The following MACROD2 variants were observed in gnomAD, a reference collection of about 807,000 sequenced individuals.
MACROD2 encodes the protein mono-ADP ribosylhydrolase 2.
MACROD2 carries 36 observed loss-of-function variants against 70.4 expected under a neutral mutation model. The observed-to-expected ratio is 0.51, with a 90% CI of 0.39 to 0.68. The LOEUF (loss-of-function observed/expected upper bound fraction) is 0.68. Ranked by LOEUF, MACROD2 falls within the 30% of genes least tolerant of loss-of-function variation. The pLI is 0.00. For missense variants in MACROD2, 496 were observed against 538.4 expected (o/e 0.92, Z 0.78); for synonymous variants, 172 against 178.8 (o/e 0.96, Z 0.30).
At chr20:14,186,676 C>G (rs927376086) in intron 3 of MACROD2, among the ~76,000 whole-genome samples, 1 of 152,054 alleles carries the variant, frequency 6.6e-6, no homozygotes, top group Non-Finnish European at 1.5e-5. Flanking sequence ...ATTACAATAG[C>G]AAAGACATGG....
chr20:14,252,407 T>C (rs1393759721), intron 3 of MACROD2, among the ~76,000 whole-genome samples: 5 of 152,082 alleles, frequency 3.3e-5, no homozygotes. Flanking sequence ...GCTATTCTTT[T>C]ATTCTTTCAC....
intron 8 of MACROD2, among the ~76,000 whole-genome samples, chr20:15,680,946 C>T (rs1250162566): frequency 2.6e-5 from 4 of 152,202 alleles, no homozygotes; most frequent in Non-Finnish European, 5.9e-5. Flanking sequence ...TCACATGATA[C>T]TCCCCAGTGT....
intron 8 of MACROD2, among the ~76,000 whole-genome samples, chr20:15,820,043 AT>A (rs200542743): frequency 1.8e-4 from 27 of 150,664 alleles, no homozygotes; most frequent in Admixed American, 5.3e-4. Flanking sequence ...TACACAATAG[AT>A]TTTTTTTTTA....
intron 8 of MACROD2, among the ~76,000 whole-genome samples, chr20:15,739,985 C>A (rs181013764): frequency 2.6e-5 from 4 of 152,306 alleles, no homozygotes; most frequent in Non-Finnish European, 5.9e-5. Flanking sequence ...ATATGCAAAC[C>A]ACTGTAAACA....
intron 7 of MACROD2, among the ~76,000 whole-genome samples, chr20:15,449,306 C>A (rs893571963): frequency 1.3e-5 from 2 of 152,144 alleles, no homozygotes; most frequent in Non-Finnish European, 2.9e-5. Flanking sequence ...ACAGCAGCAA[C>A]AACAACATGT....
intron 5 of MACROD2, among the ~76,000 whole-genome samples, chr20:14,903,922 A>C (rs926274766): frequency 1.3e-5 from 2 of 152,138 alleles, no homozygotes; most frequent in African/African-American, 4.8e-5. Context: ...ATTTTTCTTC[A>C]CATTCTCTCG....
intron 8 of MACROD2, among the ~76,000 whole-genome samples, chr20:15,582,676 G>C (rs1394625557): frequency 6.6e-6 from 1 of 152,120 alleles, no homozygotes; most frequent in African/African-American, 2.4e-5. Context: ...GAATCCACTG[G>C]CATTCTGTTC....
chr20:15,674,670 C>T (rs6043426), intron 8 of MACROD2, among the ~76,000 whole-genome samples: 3,132 of 152,042 alleles, frequency 0.021, 93 homozygotes, highest in African/African-American at 0.069. Context: ...TTCTCTGCAT[C>T]CTCGCATGGT....
intron 5 of MACROD2, among the ~76,000 whole-genome samples, chr20:15,121,148 TC>T (rs1322005583): frequency 6.6e-6 from 1 of 152,226 alleles, no homozygotes; most frequent in African/African-American, 2.4e-5. Flanking sequence ...TATATCTACT[TC>T]TATCTTTTGG....
chr20:15,508,484 T>C (rs2146507451), intron 8 of MACROD2, among the ~76,000 whole-genome samples: 1 of 152,292 alleles, frequency 6.6e-6, no homozygotes, highest in East Asian at 1.9e-4. Context: ...ATGTGTCCCA[T>C]GGCAGAGGCA....
intron 5 of MACROD2, among the ~76,000 whole-genome samples, chr20:15,086,301 A>G (rs1417543598): frequency 2.0e-5 from 3 of 152,176 alleles, no homozygotes. Context: ...TTGAATACAC[A>G]CTATGTATGT....
At chr20:15,612,152 A>C (rs2048978741) in intron 8 of MACROD2, among the ~76,000 whole-genome samples, 1 of 152,062 alleles carries the variant, frequency 6.6e-6, no homozygotes, top group Non-Finnish European at 1.5e-5. Flanking sequence ...CGTGGCTTTA[A>C]TTCCAAGAGG....
At chr20:14,549,703 A>G (rs954540306) in intron 4 of MACROD2, among the ~76,000 whole-genome samples, 2 of 152,046 alleles carry the variant, frequency 1.3e-5, no homozygotes, top group African/African-American at 4.8e-5. Context: ...TTTACCAGGT[A>G]TTTATCTTAT....
intron 13 of MACROD2, among the ~76,000 whole-genome samples, chr20:15,972,715 CAGG>C (rs1029610154): frequency 6.6e-6 from 1 of 151,940 alleles, no homozygotes; most frequent in Non-Finnish European, 1.5e-5. Flanking sequence ...GAGGCTGAGT[CAGG>C]AGAATCACTT....
chr20:14,685,088 C>A, intron 5 of MACROD2, 129 bp downstream of exon 5: 1 of 670,334 alleles, frequency 1.5e-6, no homozygotes. Flanking sequence ...AGATTTTGTA[C>A]ATGGTAATAA....
intron 3 of MACROD2, among the ~76,000 whole-genome samples, chr20:14,362,105 A>C (rs1403782735): frequency 6.6e-6 from 1 of 152,234 alleles, no homozygotes; most frequent in Non-Finnish European, 1.5e-5. Context: ...CCCATAAGAC[A>C]AAGTCCTAAG....
At chr20:15,247,076 A>G (rs1322122238) in intron 6 of MACROD2, among the ~76,000 whole-genome samples, 6 of 152,172 alleles carry the variant, frequency 3.9e-5, no homozygotes, top group Admixed American at 6.5e-5. Flanking sequence ...CTAATAGGGT[A>G]TCTTTTTTGA....
chr20:15,866,557 G>T (rs2064496477), intron 9 of MACROD2, among the ~76,000 whole-genome samples: 3 of 152,194 alleles, frequency 2.0e-5, no homozygotes. Flanking sequence ...GGAAGCAACA[G>T]AGCTGTATTT....
chr20:14,463,469 T>C (rs1466244795), intron 3 of MACROD2, among the ~76,000 whole-genome samples: 1 of 152,136 alleles, frequency 6.6e-6, no homozygotes, highest in African/African-American at 2.4e-5. Flanking sequence ...TATACAATCA[T>C]GTCATCTGCA....
Sources: gnomAD v4.1 joint callset for allele counts (sites outside exome capture counted in the v4.1 genomes callset) on GRCh38, gnomAD v4.1.1 for gene constraint, MANE v1.5 for transcripts, NCBI Gene and HGNC (gene_info 2026-07-23, HGNC 2026-07-21) for gene names.